Variants in TMEM9 observed in about 807,000 individuals in gnomAD.
The protein encoded by TMEM9 is proton-transporting V-type ATPase complex assembly regulator TMEM9.
TMEM9 carries 13 observed loss-of-function variants against 22.8 expected under a neutral mutation model. The observed-to-expected ratio is 0.57, with a 90% CI of 0.37 to 0.91. The LOEUF is 0.91. TMEM9 is among the 40% of genes least tolerant of loss of function. The pLI, the probability that TMEM9 is intolerant of heterozygous loss-of-function variation, is 0.01. For synonymous variants in TMEM9, 88 were observed against 93.0 expected (o/e 0.95, Z 0.31); for missense variants, 182 against 238.1 (o/e 0.76, Z 1.55).
chr1:201,164,422 A>AT (rs1336086582), intron 1 of TMEM9, among the ~76,000 whole-genome samples: 1 of 152,296 alleles, frequency 6.6e-6, no homozygotes, highest in African/African-American at 2.4e-5. Context: ...TCAAAAGTTA[A>AT]TTTTTTAAAA....
intron 4 of TMEM9, among the ~76,000 whole-genome samples, 194 bp downstream of exon 4, chr1:201,143,626 C>G (rs1036422007): frequency 6.6e-6 from 1 of 152,198 alleles, no homozygotes; most frequent in Non-Finnish European, 1.5e-5. Context: ...GCTTGATGCC[C>G]GGTGTCCTGC....
intron 4 of TMEM9, among the ~76,000 whole-genome samples, chr1:201,141,347 A>G (rs1346550475): frequency 6.6e-6 from 1 of 152,262 alleles, no homozygotes; most frequent in East Asian, 1.9e-4. Context: ...TTCTGAATAC[A>G]CTGAGAAAAG....
chr1:201,157,767 T>G (rs1665839947), upstream of TMEM9, among the ~76,000 whole-genome samples: 1 of 152,160 alleles, frequency 6.6e-6, no homozygotes. Flanking sequence ...GGGGGAAGGC[T>G]GCAGAGGCAC....
At chr1:201,148,305 C>T (rs550650330) in intron 2 of TMEM9, among the ~76,000 whole-genome samples, 77 of 152,308 alleles carry the variant, frequency 5.1e-4, no homozygotes, top group Non-Finnish European at 1.0e-3. Context: ...TGGGCTGGTA[C>T]CTGGCTTGTC....
rs1013056848 is a variant in TMEM9 at position 201,167,241 on chromosome 1, G to A, written c.-37+4249C>T. Reference sequence around the variant, plus strand: ...GTTTAATTGATGCGGGGCCAGCCACGCCACGCGGGCGACAGAGTTATTACT... The same window carrying A: ...GTTTAATTGATGCGGGGCCAGCCACACCACGCGGGCGACAGAGTTATTACT... On this transcript the variant is annotated intron_variant, in intron 1 of 5. Coordinates refer to the TMEM9 transcript ENST00000367333. Among the ~76,000 whole-genome samples, 4 of 152,194 alleles carry A rather than the reference G, an allele frequency of 2.6e-5. 1 individual carries two copies. Among genetic ancestry groups the A allele is most frequent in the African/African-American group, 4.8e-5 (2 of 41,438 alleles).
At chr1:201,153,656 C>T (rs6684980) in intron 1 of TMEM9, 917,324 of 1,219,978 alleles carry the variant, frequency 0.75, 346,040 homozygotes, top group Non-Finnish European at 0.77. Context: ...CTCTGTGCCC[C>T]ACCCTTCCTC....
At chr1:201,138,503 C>T (rs1301756827) in intron 4 of TMEM9, among the ~76,000 whole-genome samples, 1 of 152,140 alleles carries the variant, frequency 6.6e-6, no homozygotes, top group East Asian at 1.9e-4. Flanking sequence ...CAGTTCCTCC[C>T]CTCTCCCTCT....
At chr1:201,145,610 A>G (rs546308323) in intron 3 of TMEM9, 3 of 152,332 alleles carry the variant, frequency 2.0e-5, no homozygotes, top group African/African-American at 4.8e-5. Context: ...TTATTTTCCA[A>G]TGCTATTTAT....
intron 4 of TMEM9, among the ~76,000 whole-genome samples, chr1:201,137,839 G>A (rs1333398960): frequency 6.6e-6 from 1 of 152,206 alleles, no homozygotes; most frequent in Admixed American, 6.5e-5. Context: ...GCGGCTGGCT[G>A]CCAGGAGAAA....
intron 1 of TMEM9, among the ~76,000 whole-genome samples, chr1:201,167,638 T>C (rs748072153): frequency 3.9e-5 from 6 of 152,228 alleles, no homozygotes; most frequent in Non-Finnish European, 8.8e-5. Context: ...TGGTGGTCTC[T>C]CATTAGCTTT....
upstream of TMEM9, among the ~76,000 whole-genome samples, chr1:201,157,194 G>A (rs1469061182): frequency 6.6e-6 from 1 of 152,124 alleles, no homozygotes; most frequent in Non-Finnish European, 1.5e-5. Flanking sequence ...TCTATACAGG[G>A]CATCTCAAAA....
chr1:201,155,168 G>A (rs1665745404), upstream of TMEM9, among the ~76,000 whole-genome samples: 1 of 152,226 alleles, frequency 6.6e-6, no homozygotes, highest in East Asian at 1.9e-4. Flanking sequence ...CCCGGAGTGA[G>A]GACACCGGGG....
At chr1:201,147,374 T>C (rs4915489) in intron 2 of TMEM9, among the ~76,000 whole-genome samples, 112,676 of 152,140 alleles carry the variant, frequency 0.74, 41,851 homozygotes, top group Non-Finnish European at 0.77. Context: ...GAGAGAACAC[T>C]TCTACCGTCC....
chr1:201,137,356 G>A (rs191803211), intron 4 of TMEM9, among the ~76,000 whole-genome samples: 48 of 152,334 alleles, frequency 3.2e-4, no homozygotes, highest in Non-Finnish European at 5.9e-4. Flanking sequence ...ATGAGGCTAT[G>A]TGTCCCTGAA....
chr1:201,171,301 C>T (rs1265194824), intron 1 of TMEM9, among the ~76,000 whole-genome samples: 1 of 152,184 alleles, frequency 6.6e-6, no homozygotes, highest in Non-Finnish European at 1.5e-5. Context: ...CCGCTGGGAC[C>T]CACCGCGGGG....
Position 201,135,010 on chromosome 1 carries a change from T to G in TMEM9, c.*653A>C, listed in dbSNP as rs1176833668. Reference sequence around the variant, plus strand: ...GGAGGGACTGCCCAGACCCCTCAAGTGCAGGTGAGGGGACCGGCAGCAGAG... The same window carrying G: ...GGAGGGACTGCCCAGACCCCTCAAGGGCAGGTGAGGGGACCGGCAGCAGAG... On this transcript the variant is annotated 3_prime_UTR_variant, in exon 5 of 5. Transcript: ENST00000367330. 6.5e-6 allele frequency: 1 copy of G among 152,710 alleles called. No individual in the cohort carries two copies. Among genetic ancestry groups the G allele is most frequent in the African/African-American group, 2.4e-5 (1 of 41,430 alleles). 9.5% of individuals were successfully genotyped at this position (152,710 alleles called of 1,614,324 possible).
intron 1 of TMEM9, among the ~76,000 whole-genome samples, chr1:201,160,275 G>T (rs1251978658): frequency 3.3e-5 from 5 of 152,160 alleles, no homozygotes; most frequent in Non-Finnish European, 7.3e-5. Context: ...CAGGTCTTGT[G>T]TCCTTTTACA....
At chr1:201,171,085 A>G (rs1666200290) in intron 1 of TMEM9, among the ~76,000 whole-genome samples, 1 of 152,122 alleles carries the variant, frequency 6.6e-6, no homozygotes, top group Non-Finnish European at 1.5e-5. Flanking sequence ...CCGGGGAGAA[A>G]TGTAACCAAT....
intron 1 of TMEM9, among the ~76,000 whole-genome samples, chr1:201,170,586 G>A (rs1417948354): frequency 6.6e-6 from 1 of 152,120 alleles, no homozygotes; most frequent in Non-Finnish European, 1.5e-5. Context: ...ACACGCTGAC[G>A]GGCTTGAGCA....
Sources: allele counts gnomAD v4.1 joint callset (sites outside exome capture counted in the v4.1 genomes callset), GRCh38; gene constraint gnomAD v4.1.1; transcripts MANE v1.5; gene names NCBI Gene and HGNC (gene_info 2026-07-23, HGNC 2026-07-21).